Variants in YWHAE observed in about 807,000 individuals in gnomAD.
The protein encoded by YWHAE is tyrosine 3-monooxygenase/tryptophan 5-monooxygenase activation protein epsilon, also known as 14-3-3 protein epsilon.
In YWHAE, 4 loss-of-function variants were observed where a neutral mutation model predicts 30.1. That is an observed-to-expected ratio of 0.13 (90% confidence interval 0.07 to 0.30). The LOEUF is 0.30. Among genes scored for constraint, YWHAE ranks in the 10% least tolerant of loss-of-function variants. The pLI, the probability that YWHAE is intolerant of heterozygous loss-of-function variation, is 1.00. For synonymous variants in YWHAE, 118 were observed against 111.8 expected, an observed-to-expected ratio of 1.06 and a Z score of -0.35; for missense variants, 121 against 315.9, an observed-to-expected ratio of 0.38 and a Z score of 4.68.
In YWHAE at chr17:1,375,809, T is replaced by C. The variant is rs535532568; in HGVS notation, c.65-10751A>G. On this transcript the variant is annotated intron_variant, in intron 1 of 5. Coordinates refer to ENST00000264335, the MANE Select transcript of YWHAE (RefSeq NM_006761.5). ...AGAGTCACAAGTTTTTCCCCTTGAC[T>C]TGTTAACTGAGGTTTGGTTTGTGGT... is the stretch of plus-strand genomic sequence containing the variant. Among the ~76,000 whole-genome samples, 3 of 152,370 alleles carry C rather than the reference T, an allele frequency of 2.0e-5. No individual in the cohort carries two copies. In the East Asian group the frequency reaches 5.8e-4, roughly 29 times the overall value.
At chr17:1,369,802 A>G (rs2073002932) in intron 1 of YWHAE, 1 of 152,254 alleles carries the variant, frequency 6.6e-6, no homozygotes, top group African/African-American at 2.4e-5. Flanking sequence ...CCCAGTGCAT[A>G]GAAAAGTTAT....
At chr17:1,389,853 C>CTTT (rs1444047195) in intron 1 of YWHAE, among the ~76,000 whole-genome samples, 1 of 145,654 alleles carries the variant, frequency 6.9e-6, no homozygotes, top group Non-Finnish European at 1.5e-5. Flanking sequence ...TTCTTTCTTT[C>CTTT]TTTTTTTGAG....
chr17:1,371,948 C>A (rs569641166), intron 1 of YWHAE, among the ~76,000 whole-genome samples: 1 of 151,504 alleles, frequency 6.6e-6, no homozygotes, highest in East Asian at 1.9e-4. Context: ...AAGCGATTCT[C>A]CTGCCTCAAC....
intron 1 of YWHAE, among the ~76,000 whole-genome samples, chr17:1,387,427 A>C (rs1006031888): frequency 3.9e-5 from 6 of 152,248 alleles, no homozygotes; most frequent in Non-Finnish European, 7.3e-5. Flanking sequence ...ATCTTTTTAC[A>C]GTTTTTATGG....
At chr17:1,360,132 T>C (rs1207660402) in intron 4 of YWHAE, among the ~76,000 whole-genome samples, 2 of 152,042 alleles carry the variant, frequency 1.3e-5, no homozygotes, top group Non-Finnish European at 2.9e-5. Context: ...CCGGCTAATT[T>C]TGTATTTTTA....
In YWHAE at chr17:1,344,730, G is replaced by C. The variant is rs1598216684; in HGVS notation, c.*717C>G. 4.3e-6 allele frequency: 1 copy of C among 232,944 alleles called. No individual in the cohort carries two copies. The highest frequency in any genetic ancestry group is 5.6e-5 in the Admixed American group (1 of 17,740). 14.4% of individuals were successfully genotyped at this position (232,944 alleles called of 1,614,324 possible). ...AGGAGGGGAGGAGTGAGGGGAAGGA[G>C]GTAGGGGGAGGGGGAAGGAGAAGAA... On this transcript the variant is annotated 3_prime_UTR_variant, in exon 6 of 6. Transcript: ENST00000264335.
At chr17:1,357,098 T>C (rs963464721) in intron 4 of YWHAE, among the ~76,000 whole-genome samples, 2 of 140,322 alleles carry the variant, frequency 1.4e-5, no homozygotes, top group Non-Finnish European at 3.0e-5. Context: ...GGAAACCCCA[T>C]CTCTATTAAA....
chr17:1,363,898 T>C (rs915223291), intron 2 of YWHAE, among the ~76,000 whole-genome samples: 15 of 152,122 alleles, frequency 9.9e-5, no homozygotes, highest in Non-Finnish European at 2.1e-4. Flanking sequence ...TCCCGACAGT[T>C]TGTTGTGGGG....
intron 1 of YWHAE, among the ~76,000 whole-genome samples, chr17:1,367,171 A>G (rs2072958158): frequency 6.6e-6 from 1 of 152,208 alleles, no homozygotes; most frequent in African/African-American, 2.4e-5. Flanking sequence ...TAATCTTTAC[A>G]AAGACTTTTA....
chr17:1,347,358 G>C (rs2072541947), intron 5 of YWHAE, among the ~76,000 whole-genome samples: 1 of 151,472 alleles, frequency 6.6e-6, no homozygotes, highest in Admixed American at 6.6e-5. Flanking sequence ...ACATACGCTG[G>C]GCATGGGGCC....
chr17:1,354,175 T>C, intron 5 of YWHAE, 36 bp downstream of exon 5: 1 of 1,601,728 alleles, frequency 6.2e-7, no homozygotes, highest in East Asian at 2.2e-5. Flanking sequence ...ATCCTGCAAC[T>C]GAAAGAGGTG....
intron 1 of YWHAE, among the ~76,000 whole-genome samples, chr17:1,385,667 T>G (rs2073289716): frequency 6.6e-6 from 1 of 152,154 alleles, no homozygotes; most frequent in African/African-American, 2.4e-5. Flanking sequence ...AGACGGAGGA[T>G]GCAGGTGGCC....
intron 1 of YWHAE, among the ~76,000 whole-genome samples, chr17:1,370,325 G>GT (rs1272111298): frequency 6.6e-6 from 1 of 151,582 alleles, no homozygotes; most frequent in African/African-American, 2.4e-5. Flanking sequence ...TAGAGGCGGG[G>GT]TTTCACCATG....
chr17:1,376,390 GAAAGAGAGAGAAAGAAAGA>G (rs2073125018), intron 1 of YWHAE, among the ~76,000 whole-genome samples: 10 of 69,432 alleles, frequency 1.4e-4, no homozygotes, highest in African/African-American at 3.6e-4. Context: ...GAAAGAAAAA[GAAAGAGAGAGAAAGAAAGA>G]AAAGAAAAGA....
chr17:1,383,886 C>A (rs1425171954), intron 1 of YWHAE, among the ~76,000 whole-genome samples: 1 of 152,004 alleles, frequency 6.6e-6, no homozygotes, highest in Non-Finnish European at 1.5e-5. Flanking sequence ...TATGGCAAGA[C>A]CCCATCTCTT....
At chr17:1,374,267 G>A (rs1275532402) in intron 1 of YWHAE, among the ~76,000 whole-genome samples, 7 of 151,364 alleles carry the variant, frequency 4.6e-5, no homozygotes, top group African/African-American at 1.2e-4. Context: ...GCAGTGACCC[G>A]AGATCGTGCC....
rs761494265 is a variant in YWHAE, at chr17:1,400,032, GC to G, written c.64+14del. 9 of 1,607,220 alleles carry G rather than the reference GC, an allele frequency of 5.6e-6. No homozygotes were observed. Among genetic ancestry groups the G allele is most frequent in the Non-Finnish European group, 7.7e-6 (9 of 1,174,418 alleles). On this transcript the variant is annotated intron_variant, in intron 1 of 5. Coordinates refer to ENST00000264335, the MANE Select transcript of YWHAE (RefSeq NM_006761.5). ...GGTCCGAGAATTCCAGCCCCCCGTT[GC>G]CCCCCCAACTCACCGTCGTATCGCT...
chr17:1,368,540 G>A (rs948235643), intron 1 of YWHAE, among the ~76,000 whole-genome samples: 1 of 142,900 alleles, frequency 7.0e-6, no homozygotes, highest in Non-Finnish European at 1.5e-5. Context: ...CTCCAGCCTA[G>A]GCGACAGAGT....
In YWHAE at chr17:1,345,304, A is replaced by AAAAAAACC; in HGVS notation, c.*142_*143insGGTTTTTT. On this transcript the variant is annotated 3_prime_UTR_variant, in exon 6 of 6. Transcript: ENST00000264335. Reference sequence around the variant, plus strand: ...GAAAACTGTTTAAAAAAAAAAAAAAAAAACCAACAGGGCAGGAACCTAAAT... The same window carrying AAAAAAACC: ...GAAAACTGTTTAAAAAAAAAAAAAAAAAAAAACCAAACCAACAGGGCAGGAACCTAAAT... The AAAAAAACC allele has an allele frequency of 2.5e-6, 2 of 793,864 alleles. No homozygotes were observed. The highest frequency in any genetic ancestry group is 4.0e-6 in the Non-Finnish European group (2 of 503,736). The allele number at this position is 793,864 out of a possible 1,614,324, so 49.2% of individuals were successfully genotyped here.
Sources: gnomAD v4.1 joint callset for allele counts (sites outside exome capture counted in the v4.1 genomes callset) on GRCh38, gnomAD v4.1.1 for gene constraint, MANE v1.5 for transcripts, NCBI Gene and HGNC (gene_info 2026-07-23, HGNC 2026-07-21) for gene names.